TXLNG: variants seen among roughly 807,000 people sequenced by gnomAD.
The protein encoded by TXLNG is taxilin gamma, also known as gamma-taxilin.
A neutral mutation model predicts 38.8 loss-of-function variants in TXLNG; 5 were observed. The observed-to-expected ratio is 0.13, with a 90% CI of 0.07 to 0.27. TXLNG has a LOEUF of 0.27. Ranked by LOEUF, TXLNG falls within the 10% of genes least tolerant of loss-of-function variation. The probability of loss-of-function intolerance (pLI) is 1.00; values close to 1 mark genes in which losing one functional copy is unlikely to be tolerated. For missense variants in TXLNG, 393 were observed against 398.2 expected, an observed-to-expected ratio of 0.99 and a Z score of 0.11; for synonymous variants, 182 against 158.2, an observed-to-expected ratio of 1.15 and a Z score of -1.13.
chrX:16,795,108 T>C (rs898781318), intron 1 of TXLNG, among the ~76,000 whole-genome samples: 11 of 109,412 alleles, frequency 1.0e-4, no homozygotes, highest in Non-Finnish European at 1.9e-4. Flanking sequence ...AAACCCCATC[T>C]CTACTAAAAA....
At chrX:16,799,503 T>A (rs1928006003) in intron 1 of TXLNG, among the ~76,000 whole-genome samples, 1 of 111,957 alleles carries the variant, frequency 8.9e-6, no homozygotes, top group Non-Finnish European at 1.9e-5. Context: ...CCGGGCATGG[T>A]GGCTCATGCC....
intron 5 of TXLNG, 93 bp from the exon 6 acceptor site, chrX:16,832,530 G>A: frequency 1.2e-5 from 13 of 1,110,802 alleles, no homozygotes; most frequent in Non-Finnish European, 1.6e-5. Flanking sequence ...CAGAACAGCA[G>A]GGTGAGCAGG....
intron 3 of TXLNG, among the ~76,000 whole-genome samples, chrX:16,823,597 T>C (rs979899255): frequency 1.8e-5 from 2 of 110,927 alleles, no homozygotes; most frequent in Non-Finnish European, 3.8e-5. Context: ...TTATGACATA[T>C]ATCGTCTGAT....
rs1016881162 is a variant in TXLNG, at chrX:16,843,826, G to A, written c.*2060G>A. 1.3e-4 allele frequency: 15 copies of A among 111,611 alleles called. No individual in the cohort carries two copies. The highest frequency in any genetic ancestry group is 4.9e-4 in the African/African-American group (15 of 30,634). 9.2% of individuals were successfully genotyped at this position (111,611 alleles called of 1,213,427 possible). A position where few individuals can be genotyped will look rare whatever the true frequency, so the allele number is the denominator to read the frequency against. On this transcript the variant is annotated 3_prime_UTR_variant, in exon 10 of 10. Transcript: ENST00000380122. ...CTAGATGCTATTATAGTGTTGAAAG[G>A]ATATGGATTCTGTCTGGGATGCATT...
In TXLNG at chrX:16,820,267, G is replaced by C; in HGVS notation, c.498+12G>C. ...AATATGCTGATCTTGTGAGTATTAAGCCAAGGATGTGAGAGCCATATAAAA... is the reference window on the plus strand; with the variant it reads ...AATATGCTGATCTTGTGAGTATTAACCCAAGGATGTGAGAGCCATATAAAA... On this transcript the variant is annotated intron_variant, in intron 3 of 9. Coordinates refer to ENST00000380122, the MANE Select transcript of TXLNG (RefSeq NM_018360.3). 1 of 1,168,562 alleles carries C rather than the reference G, an allele frequency of 8.6e-7. No homozygotes were observed. The highest frequency in any genetic ancestry group is 1.8e-5 in the African/African-American group (1 of 56,648).
chrX:16,824,297 G>T (rs933935864), intron 3 of TXLNG, among the ~76,000 whole-genome samples: 4 of 109,936 alleles, frequency 3.6e-5, no homozygotes, highest in Non-Finnish European at 5.7e-5. Context: ...CAGTGAGTTC[G>T]TGCCACATGG....
chrX:16,794,516 G>T (rs1247786109), intron 1 of TXLNG, among the ~76,000 whole-genome samples: 4 of 96,764 alleles, frequency 4.1e-5, no homozygotes, highest in African/African-American at 1.4e-4. Context: ...AAGGTAGAGA[G>T]TTTAGAGAGA....
intron 8 of TXLNG, among the ~76,000 whole-genome samples, chrX:16,838,960 ATTACC>A (rs1929699062): frequency 9.0e-6 from 1 of 111,727 alleles, no homozygotes; most frequent in Admixed American, 9.5e-5. Flanking sequence ...TTTGTGGGTA[ATTACC>A]CAAGGCACAG....
chrX:16,830,284 T>A (rs1929345445), intron 5 of TXLNG, among the ~76,000 whole-genome samples: 1 of 108,641 alleles, frequency 9.2e-6, no homozygotes, highest in South Asian at 4.1e-4. Context: ...GTAAAAAGTT[T>A]ACTGGGAAGA....
chrX:16,802,190 C>CAG (rs1175382624), intron 1 of TXLNG, among the ~76,000 whole-genome samples: 1 of 104,834 alleles, frequency 9.5e-6, no homozygotes. Context: ...CTCCTGACCT[C>CAG]GTGATCTGCC....
chrX:16,805,007 T>TTTTG lies in TXLNG; in HGVS notation c.103-13567_103-13566insTTTG, dbSNP rs1162642529. ...CCGCTTTTTTTTTTTTTTTTTTTTT[T>TTTTG]GAGAGACAGAGCCTGGCTGTGTTGC... On this transcript the variant is annotated intron_variant, in intron 1 of 9. Transcript: ENST00000380122. 2.6e-3 allele frequency among the ~76,000 whole-genome samples: 99 copies of TTTTG among 38,734 alleles called. 17 individuals carry two copies. Among genetic ancestry groups the TTTTG allele is most frequent in the Admixed American group, 3.5e-3 (9 of 2,601 alleles). 33.6% of individuals were successfully genotyped at this position (38,734 alleles called of 115,157 possible). A position where few individuals can be genotyped will look rare whatever the true frequency, so the allele number is the denominator to read the frequency against.
rs141944454 is a variant in TXLNG at position 16,841,559 on chromosome X, C to T, written c.1380C>T (p.Ser460=). The T allele has an allele frequency of 2.3e-4, 281 of 1,209,669 alleles. 1 individual carries two copies. The African/African-American group carries it at 3.8e-3, about 16-fold the overall frequency. ...EKVEVLKEQV[S]IKAAIKAANR... ...TGGAAGTCCTGAAAGAGCAGGTATC[C>T]ATCAAAGCGGCCATCAAAGCGGCGA... Residue 460 remains serine, a synonymous_variant, in exon 10 of 10, where the codon TCC becomes TCT. Transcript: ENST00000380122.
intron 3 of TXLNG, among the ~76,000 whole-genome samples, chrX:16,826,106 G>A (rs925046838): frequency 9.0e-6 from 1 of 111,535 alleles, no homozygotes; most frequent in Admixed American, 9.5e-5. Flanking sequence ...GGAAAGCGAA[G>A]GAATAATGAA....
At chrX:16,805,918 C>T (rs912938406) in intron 1 of TXLNG, among the ~76,000 whole-genome samples, 1 of 112,069 alleles carries the variant, frequency 8.9e-6, no homozygotes, top group African/African-American at 3.2e-5. Flanking sequence ...TTTGTTCTAA[C>T]ACAGTAAAAC....
chrX:16,791,298 T>G (rs1927694549), intron 1 of TXLNG, among the ~76,000 whole-genome samples: 1 of 111,957 alleles, frequency 8.9e-6, no homozygotes, highest in African/African-American at 3.2e-5. Flanking sequence ...AGCCATTTCA[T>G]TAATCTTGTT....
At chrX:16,788,993 AC>A (rs1341971303) in intron 1 of TXLNG, among the ~76,000 whole-genome samples, 1 of 112,300 alleles carries the variant, frequency 8.9e-6, no homozygotes, top group African/African-American at 3.2e-5. Context: ...AATCATTTTT[AC>A]ATTACTTCAT....
chrX:16,838,427 G>A (rs1929678648), intron 8 of TXLNG, among the ~76,000 whole-genome samples: 1 of 111,945 alleles, frequency 8.9e-6, no homozygotes, highest in South Asian at 3.7e-4. Flanking sequence ...CATAGTGGTG[G>A]AGACCGTGCG....
At chrX:16,827,456 G>A (rs1373029947) in intron 3 of TXLNG, among the ~76,000 whole-genome samples, 1 of 111,444 alleles carries the variant, frequency 9.0e-6, no homozygotes, top group Non-Finnish European at 1.9e-5. Context: ...GGAATACTTG[G>A]GCAGTGTTCC....
At chrX:16,818,965 CT>C (rs1928842784) in intron 2 of TXLNG, 88 bp downstream of exon 2, 1 of 985,292 alleles carries the variant, frequency 1.0e-6, no homozygotes, top group Non-Finnish European at 1.4e-6. Flanking sequence ...AACACAGCCA[CT>C]TTAGAGGTGC....
Sources: allele counts gnomAD v4.1 joint callset (sites outside exome capture counted in the v4.1 genomes callset), GRCh38; gene constraint gnomAD v4.1.1; transcripts MANE v1.5; gene names NCBI Gene and HGNC (gene_info 2026-07-23, HGNC 2026-07-21).